CRK: variants seen among roughly 807,000 people sequenced by gnomAD.
CRK encodes adapter molecule crk.
Under a neutral mutation model 29.8 loss-of-function variants are expected in CRK, and 4 were observed. That is an observed-to-expected ratio of 0.13 (90% CI 0.07 to 0.31). CRK has a LOEUF of 0.31. Ranked by LOEUF, CRK falls within the 10% of genes least tolerant of loss-of-function variation. The probability of loss-of-function intolerance (pLI) is 1.00; values close to 1 mark genes in which losing one functional copy is unlikely to be tolerated. For synonymous variants in CRK, 153 were observed against 164.9 expected, an observed-to-expected ratio of 0.93 and a Z score of 0.55; for missense variants, 274 against 396.5, an observed-to-expected ratio of 0.69 and a Z score of 2.62.
chr17:1,441,804 T>G (rs1488156175), intron 1 of CRK, among the ~76,000 whole-genome samples: 1 of 151,964 alleles, frequency 6.6e-6, no homozygotes, highest in Non-Finnish European at 1.5e-5. Flanking sequence ...ACCCAGCTGA[T>G]TTTGAAATTT....
chr17:1,424,907 G>C (rs921363411), intron 2 of CRK: 1 of 151,746 alleles, frequency 6.6e-6, no homozygotes, highest in Non-Finnish European at 1.5e-5. Context: ...CCAGCTACTC[G>C]GGAGGCTGAG....
intron 1 of CRK, among the ~76,000 whole-genome samples, chr17:1,444,512 G>A (rs1319082525): frequency 6.7e-6 from 1 of 149,252 alleles, no homozygotes; most frequent in African/African-American, 2.5e-5. Context: ...GTAACAGAGG[G>A]AGAGCCTGTC....
chr17:1,425,291 A>G lies in CRK; in HGVS notation c.778-1641T>C, dbSNP rs915542257. 2.0e-5 allele frequency among the ~76,000 whole-genome samples: 3 copies of G among 151,376 alleles called. No individual in the cohort carries two copies. In the East Asian group the frequency reaches 6.0e-4, roughly 30 times the overall value. ...TTTTGTTTAGTAGAGATGGGGTTTC[A>G]CCATGTTAGCCAAGATGGTCTCGAT... On this transcript the variant is annotated intron_variant, in intron 2 of 2. Transcript: ENST00000300574.
chr17:1,454,628 T>C (rs936733595), intron 1 of CRK, among the ~76,000 whole-genome samples: 2 of 152,214 alleles, frequency 1.3e-5, no homozygotes, highest in African/African-American at 2.4e-5. Context: ...CAAGGGCAAG[T>C]CTACAAAGGA....
chr17:1,450,699 C>G (rs1297147093), intron 1 of CRK, among the ~76,000 whole-genome samples: 1 of 151,530 alleles, frequency 6.6e-6, no homozygotes, highest in Non-Finnish European at 1.5e-5. Context: ...GCCTGGACAA[C>G]GTGGCAAAAC....
At chr17:1,454,473 G>A (rs1046650170) in intron 1 of CRK, among the ~76,000 whole-genome samples, 2 of 152,172 alleles carry the variant, frequency 1.3e-5, no homozygotes, top group Non-Finnish European at 2.9e-5. Context: ...CCGAGATTGC[G>A]CCACTGTGCT....
chr17:1,443,315 C>T lies in CRK; in HGVS notation c.242-6160G>A, dbSNP rs116408740. On this transcript the variant is annotated intron_variant, in intron 1 of 2. Transcript: ENST00000300574. ...CACTTTCTAGGCTTAAGCAATTCTA[C>T]AGTCTCAGCCTCCCAAATAGCTGGG... 6.2e-3 allele frequency among the ~76,000 whole-genome samples: 944 copies of T among 152,204 alleles called. 9 individuals carry two copies. The highest frequency in any genetic ancestry group is 0.021 in the African/African-American group (877 of 41,536).
At position 1,432,476 on chromosome 17, in the gene CRK, T is replaced by TAAAA. The variant is rs59669841; in HGVS notation, c.777+4140_777+4143dup. Among the ~76,000 whole-genome samples the TAAAA allele has an allele frequency of 1.3e-3, 132 of 100,924 alleles. 1 individual carries two copies. The highest frequency in any genetic ancestry group is 4.9e-3 in the African/African-American group (117 of 23,868). The allele number at this position is 100,924 out of a possible 152,430, so 66.2% of individuals were successfully genotyped here. ...TGGGTGACAGAGTGAGACCTTGTCT[T>TAAAA]AAAAAAAAAAAAAAAAAAAGGCCAG... On this transcript the variant is annotated intron_variant, in intron 2 of 2. Transcript: ENST00000300574.
In CRK at chr17:1,421,858, T is replaced by C. The variant is rs2073728236; in HGVS notation, c.*1655A>G. ...AAAGCAAACTATAAGGTGTTTCTAT[T>C]GGTCATACCACACCAGAGACCGGTA... On this transcript the variant is annotated 3_prime_UTR_variant, in exon 3 of 3. Coordinates refer to ENST00000300574, the MANE Select transcript of CRK (RefSeq NM_016823.4). The C allele has an allele frequency of 6.6e-6, 1 of 152,224 alleles. No homozygotes were observed. The allele number at this position is 152,224 out of a possible 1,614,324, so 9.4% of individuals were successfully genotyped here.
At chr17:1,448,613 TCC>T (rs2073993192) in intron 1 of CRK, among the ~76,000 whole-genome samples, 1 of 83,284 alleles carries the variant, frequency 1.2e-5, no homozygotes, top group Admixed American at 2.0e-4. Context: ...AGAGCAAGAC[TCC>T]ATCTCAAAAA....
chr17:1,454,362 G>A (rs1371052377), intron 1 of CRK, among the ~76,000 whole-genome samples: 1 of 152,116 alleles, frequency 6.6e-6, no homozygotes, highest in Admixed American at 6.6e-5. Context: ...CCAACCTGGT[G>A]AAACTTCGTC....
intron 2 of CRK, 53 bp downstream of exon 2, chr17:1,436,567 G>A (rs1362342097): frequency 2.2e-5 from 34 of 1,529,868 alleles, no homozygotes; most frequent in Admixed American, 4.3e-5. Flanking sequence ...TAAGAGGACC[G>A]AGAGGAGACC....
At chr17:1,450,841 G>A (rs922067118) in intron 1 of CRK, among the ~76,000 whole-genome samples, 1 of 151,830 alleles carries the variant, frequency 6.6e-6, no homozygotes, top group African/African-American at 2.4e-5. Flanking sequence ...AGCTGAGATC[G>A]CGCCACTGCA....
intron 2 of CRK, 127 bp from the exon 3 acceptor site, chr17:1,423,777 G>A (rs2073750011): frequency 2.5e-6 from 3 of 1,177,594 alleles, no homozygotes; most frequent in Non-Finnish European, 3.5e-6. Flanking sequence ...ATGGCCATTT[G>A]CTGCCTCCCC....
intron 2 of CRK, chr17:1,426,634 G>A (rs776687545): frequency 6.6e-6 from 1 of 152,118 alleles, no homozygotes; most frequent in Non-Finnish European, 1.5e-5. Context: ...GGGAGGTCGA[G>A]GTGAGTGAAT....
rs1555652041 is a variant in CRK, at chr17:1,428,853, C to CTCTTT, written c.778-5204_778-5203insAAAGA. 7.6e-5 allele frequency among the ~76,000 whole-genome samples: 11 copies of CTCTTT among 144,266 alleles called. No individual in the cohort carries two copies. In the South Asian group the frequency reaches 2.4e-3, roughly 32 times the overall value. 94.6% of individuals were successfully genotyped at this position (144,266 alleles called of 152,430 possible). ...TATCTTTAATGTACAGATTCTCTCT[C>CTCTTT]TTTTTTTTTTAGATGGAGCCTCACT... On this transcript the variant is annotated intron_variant, in intron 2 of 2. Coordinates refer to ENST00000300574, the MANE Select transcript of CRK (RefSeq NM_016823.4).
intron 2 of CRK, among the ~76,000 whole-genome samples, chr17:1,432,350 G>A (rs955240344): frequency 1.3e-5 from 2 of 151,796 alleles, no homozygotes; most frequent in Non-Finnish European, 2.9e-5. Flanking sequence ...TTAGCCAGGC[G>A]TGGTGGTGGA....
At chr17:1,429,260 G>A (rs9901197) in intron 2 of CRK, among the ~76,000 whole-genome samples, 3,288 of 152,030 alleles carry the variant, frequency 0.022, 114 homozygotes, top group African/African-American at 0.076. Context: ...GGGAGACTGA[G>A]GGGAGAGGAA....
intron 2 of CRK, among the ~76,000 whole-genome samples, chr17:1,431,335 GCAGTTCTTCCTC>G (rs1347081388): frequency 1.3e-5 from 2 of 152,144 alleles, no homozygotes; most frequent in Non-Finnish European, 2.9e-5. Flanking sequence ...TCCAGTAAAT[GCAGTTCTTCCTC>G]CAATTCAGAA....
Sources: gnomAD v4.1 joint callset for allele counts (sites outside exome capture counted in the v4.1 genomes callset) on GRCh38, gnomAD v4.1.1 for gene constraint, MANE v1.5 for transcripts, NCBI Gene and HGNC (gene_info 2026-07-23, HGNC 2026-07-21) for gene names.